The following SEC24B variants were observed in gnomAD, a reference collection of about 807,000 sequenced individuals.
SEC24B encodes SEC24 homolog B, COPII component.
In SEC24B, 45 loss-of-function variants were observed where a neutral mutation model predicts 142.8. That is an observed-to-expected ratio of 0.32 (90% CI 0.25 to 0.40). The LOEUF (loss-of-function observed/expected upper bound fraction) is 0.40, where lower values mean the gene tolerates loss of function less well. Among genes scored for constraint, SEC24B ranks in the 10% least tolerant of loss-of-function variants. The pLI is 1.00. For synonymous variants in SEC24B, 574 were observed against 568.2 expected (o/e 1.01, Z -0.15); for missense variants, 1,409 against 1,526.8 (o/e 0.92, Z 1.29).
chr4:109,528,292 G>T (rs1724485577), intron 18 of SEC24B, among the ~76,000 whole-genome samples: 1 of 152,108 alleles, frequency 6.6e-6, no homozygotes, highest in African/African-American at 2.4e-5. Flanking sequence ...TGGGCGTGGT[G>T]CTGCACCCCT....
intron 1 of SEC24B, among the ~76,000 whole-genome samples, chr4:109,441,499 C>G (rs895850691): frequency 2.0e-5 from 3 of 152,200 alleles, no homozygotes; most frequent in African/African-American, 4.8e-5. Context: ...GATATGATCA[C>G]AGCTCACTGC....
In SEC24B at chr4:109,463,414, C is replaced by T. The variant is rs762559535; in HGVS notation, c.647C>T (p.Ala216Val). Residue 216 changes from alanine to valine, a missense_variant, in exon 2 of 24, where the codon GCT becomes GTT. This residue lies in a region of SEC24B where 709 missense variants were observed against 673.5 expected (regional missense o/e 1.05). Transcript: ENST00000265175. Reference protein sequence around the residue: ...TYGQMFTSQNAPTVRPVKDNS... With the variant: ...TYGQMFTSQNVPTVRPVKDNS... ...GGGCAAATGTTTACCTCACAGAATG[C>T]TCCGACTGTTAGGCCAGTTAAAGAT... The T allele has an allele frequency of 1.2e-6, 2 of 1,614,208 alleles. No individual in the cohort carries two copies. Among genetic ancestry groups the T allele is most frequent in the Admixed American group, 1.7e-5 (1 of 60,020 alleles).
intron 3 of SEC24B, among the ~76,000 whole-genome samples, chr4:109,476,744 G>C (rs1279543214): frequency 7.2e-6 from 1 of 138,020 alleles, no homozygotes; most frequent in Non-Finnish European, 1.5e-5. Flanking sequence ...TTTTCTATCT[G>C]TCTTACTTTC....
In SEC24B at chr4:109,512,532, A is replaced by AT. The variant is rs541897513; in HGVS notation, c.1903+456dup. Among the ~76,000 whole-genome samples, 13 of 151,770 alleles carry AT rather than the reference A, an allele frequency of 8.6e-5. No individual in the cohort carries two copies. In the East Asian group the frequency reaches 2.5e-3, roughly 29 times the overall value. On this transcript the variant is annotated intron_variant, in intron 9 of 23. Coordinates refer to ENST00000265175, the MANE Select transcript of SEC24B (RefSeq NM_006323.5). ...TTTCAAATTTATGTTTCTCTGTCTG[A>AT]TTTTTTTCCATGTCATTTGATATAA...
In SEC24B at chr4:109,539,881, T is replaced by G. The variant is rs1726008074; in HGVS notation, c.*206T>G. ...CTCAAATTAATGGTAACGATGATGC[T>G]GTTTCACCAAGTATATTTTGAATTG... On this transcript the variant is annotated 3_prime_UTR_variant, in exon 24 of 24. Transcript: ENST00000265175. The G allele has an allele frequency of 3.7e-6, 2 of 541,270 alleles. No individual in the cohort carries two copies. The allele number at this position is 541,270 out of a possible 1,614,324, so 33.5% of individuals were successfully genotyped here. A position where few individuals can be genotyped will look rare whatever the true frequency, so the allele number is the denominator to read the frequency against.
At chr4:109,466,804 A>T (rs1731944443) in intron 2 of SEC24B, among the ~76,000 whole-genome samples, 1 of 152,214 alleles carries the variant, frequency 6.6e-6, no homozygotes, top group Admixed American at 6.5e-5. Flanking sequence ...AGATATACTA[A>T]AAGTCCTCAG....
chr4:109,513,706 C>A, intron 9 of SEC24B, 41 bp from the exon 10 acceptor site: 1 of 1,144,082 alleles, frequency 8.7e-7, no homozygotes, highest in Non-Finnish European at 1.3e-6. Context: ...TGTTTAGTTA[C>A]AAATTGTGTC....
chr4:109,527,880 C>T (rs1259991832), intron 18 of SEC24B, among the ~76,000 whole-genome samples: 2 of 152,140 alleles, frequency 1.3e-5, no homozygotes, highest in Non-Finnish European at 2.9e-5. Context: ...TCAGACTGTC[C>T]TCACATTTCT....
chr4:109,463,325 A>G lies in SEC24B; in HGVS notation c.558A>G (p.Ser186=). 2 of 1,614,156 alleles carry G rather than the reference A, an allele frequency of 1.2e-6. No homozygotes were observed. The highest frequency in any genetic ancestry group is 1.7e-6 in the Non-Finnish European group (2 of 1,180,036). ...CTACTTGTGGTCATTATGCTATGTC[A>G]ACTGTTTCTAATGCCGCGTATCCTA... ...FPSTCGHYAM[S]TVSNAAYPSV... is the part of the protein sequence containing the mutation. Residue 186 remains serine, a synonymous_variant, in exon 2 of 24, where the codon TCA becomes TCG. Coordinates refer to ENST00000265175, the MANE Select transcript of SEC24B (RefSeq NM_006323.5).
intron 15 of SEC24B, among the ~76,000 whole-genome samples, chr4:109,525,143 A>G (rs1355600324): frequency 6.6e-6 from 1 of 152,106 alleles, no homozygotes; most frequent in Non-Finnish European, 1.5e-5. Context: ...AGATAGCATG[A>G]TTCCCTTACC....
At chr4:109,514,031 C>T (rs1411488211) in intron 10 of SEC24B, among the ~76,000 whole-genome samples, 175 bp downstream of exon 10, 4 of 152,112 alleles carry the variant, frequency 2.6e-5, no homozygotes, top group Non-Finnish European at 5.9e-5. Flanking sequence ...AAAGGTTATT[C>T]GATCTCCTAG....
intron 3 of SEC24B, among the ~76,000 whole-genome samples, chr4:109,475,092 C>G (rs1732968350): frequency 6.6e-6 from 1 of 152,156 alleles, no homozygotes; most frequent in Non-Finnish European, 1.5e-5. Context: ...TAAAATAAAG[C>G]TGAATTTTTG....
chr4:109,466,285 A>G (rs1017408169), intron 2 of SEC24B, among the ~76,000 whole-genome samples: 1 of 152,196 alleles, frequency 6.6e-6, no homozygotes, highest in African/African-American at 2.4e-5. Flanking sequence ...ACCTTGTACT[A>G]GGTACAGGGT....
chr4:109,473,870 T>C (rs1284370320), intron 3 of SEC24B, among the ~76,000 whole-genome samples: 1 of 152,208 alleles, frequency 6.6e-6, no homozygotes, highest in Non-Finnish European at 1.5e-5. Context: ...TGATCAGAGA[T>C]GATTGAACTG....
At chr4:109,513,557 C>T (rs1266250508) in intron 9 of SEC24B, among the ~76,000 whole-genome samples, 190 bp from the exon 10 acceptor site, 3 of 152,134 alleles carry the variant, frequency 2.0e-5, no homozygotes, top group Admixed American at 1.3e-4. Flanking sequence ...GCTGGGATTG[C>T]AGGCGTGAGC....
Position 109,483,006 on chromosome 4 carries a change from A to T in SEC24B, c.1165+1225A>T, listed in dbSNP as rs1363840428. 1.6e-3 allele frequency among the ~76,000 whole-genome samples: 190 copies of T among 116,072 alleles called. 2 individuals carry two copies. Among genetic ancestry groups the T allele is most frequent in the African/African-American group, 6.3e-3 (178 of 28,400 alleles). 76.1% of individuals were successfully genotyped at this position (116,072 alleles called of 152,430 possible). On this transcript the variant is annotated intron_variant, in intron 4 of 23. Coordinates refer to ENST00000265175, the MANE Select transcript of SEC24B (RefSeq NM_006323.5). ...CACACACACACACACACACACACAT[A>T]TTATACATATGTTTTTTATATATGT...
intron 14 of SEC24B, among the ~76,000 whole-genome samples, chr4:109,522,350 G>A (rs36115572): frequency 0.17 from 26,579 of 151,964 alleles, 2,617 homozygotes; most frequent in African/African-American, 0.27. Flanking sequence ...CGTGCCCGGC[G>A]AGAGTTTTTA....
At chr4:109,510,445 G>A (rs367705901) in intron 8 of SEC24B, among the ~76,000 whole-genome samples, 1 of 152,302 alleles carries the variant, frequency 6.6e-6, no homozygotes, top group African/African-American at 2.4e-5. Context: ...AGTGAGTACA[G>A]TATGAGAAGT....
intron 1 of SEC24B, among the ~76,000 whole-genome samples, chr4:109,459,120 G>A (rs1214362052): frequency 6.6e-6 from 1 of 151,906 alleles, no homozygotes; most frequent in Non-Finnish European, 1.5e-5. Context: ...TCTACTCTTC[G>A]AAAAAATAGT....
Sources: gnomAD v4.1 joint callset for allele counts (sites outside exome capture counted in the v4.1 genomes callset) on GRCh38, gnomAD v4.1.1 for gene constraint, gnomAD v4.1.1 regional missense constraint, MANE v1.5 for transcripts, NCBI Gene and HGNC (gene_info 2026-07-23, HGNC 2026-07-21) for gene names.